Variants in PCM1 observed in about 807,000 individuals in gnomAD.
The protein encoded by PCM1 is pericentriolar material 1.
A neutral mutation model predicts 241.9 loss-of-function variants in PCM1; 157 were observed. The ratio of observed to expected loss-of-function variants is 0.65; its 90% CI spans 0.57 to 0.74. The LOEUF (loss-of-function observed/expected upper bound fraction) is 0.74. Among genes scored for constraint, PCM1 ranks in the 30% least tolerant of loss-of-function variants. The pLI, the probability that PCM1 is intolerant of heterozygous loss-of-function variation, is 0.00. For missense variants in PCM1, 3,478 were observed against 2,360.1 expected, an observed-to-expected ratio of 1.47 and a Z score of -9.81; for synonymous variants, 1,085 against 784.9, an observed-to-expected ratio of 1.38 and a Z score of -6.39.
At position 17,984,821 on chromosome 8, in the gene PCM1, T is replaced by G. The variant is rs563339780; in HGVS notation, c.4109-626T>G. On this transcript the variant is annotated intron_variant, in intron 24 of 38. Coordinates refer to ENST00000325083, the MANE Select transcript of PCM1 (RefSeq NM_006197.4). Reference sequence around the variant, plus strand: ...GATTCTGTGAAACTGAAAACTTCAGTTGGATCACTTGCCTGCTCCAATATA... The same window carrying G: ...GATTCTGTGAAACTGAAAACTTCAGGTGGATCACTTGCCTGCTCCAATATA... Among the ~76,000 whole-genome samples the G allele has an allele frequency of 2.6e-5, 4 of 152,070 alleles. No homozygotes were observed. The South Asian group carries it at 6.2e-4, about 24-fold the overall frequency.
chr8:17,940,152 T>C, intron 6 of PCM1: 1 of 1,523,422 alleles, frequency 6.6e-7, no homozygotes, highest in Non-Finnish European at 8.9e-7. Context: ...AGGCTTCAGA[T>C]ACCACGGTAA....
intron 23 of PCM1, among the ~76,000 whole-genome samples, chr8:17,976,975 T>C (rs1291757825): frequency 6.6e-6 from 1 of 152,124 alleles, no homozygotes; most frequent in East Asian, 1.9e-4. Flanking sequence ...TTAAAGTACC[T>C]ATTGGGACTC....
chr8:18,025,756 G>A, intron 38 of PCM1, 98 bp downstream of exon 38: 2 of 665,502 alleles, frequency 3.0e-6, no homozygotes, highest in Non-Finnish European at 5.1e-6. Context: ...TACTGACCTG[G>A]GAGATTTAAG....
At chr8:17,961,941 AGAGC>A in intron 15 of PCM1, 89 bp from the exon 16 acceptor site, 1 of 1,047,856 alleles carries the variant, frequency 9.5e-7, no homozygotes, top group South Asian at 1.6e-5. Context: ...ATATGGCACT[AGAGC>A]CTTAGTGCCA....
At chr8:17,928,887 C>G (rs1330386658) in intron 2 of PCM1, among the ~76,000 whole-genome samples, 1 of 152,054 alleles carries the variant, frequency 6.6e-6, no homozygotes, top group African/African-American at 2.4e-5. Context: ...CCACCTCAGC[C>G]TCCCACAGTG....
At chr8:17,949,406 A>G (rs763235174) in intron 7 of PCM1, among the ~76,000 whole-genome samples, 2 of 152,076 alleles carry the variant, frequency 1.3e-5, no homozygotes, top group Non-Finnish European at 2.9e-5. Context: ...ATAGGATTCT[A>G]TATAGCCTTG....
At chr8:17,980,507 T>C (rs889023868) in intron 23 of PCM1, 84 bp from the exon 24 acceptor site, 7 of 1,080,060 alleles carry the variant, frequency 6.5e-6, no homozygotes, top group Non-Finnish European at 9.3e-6. Context: ...TTGAGTTACC[T>C]GTACTGTTAC....
At position 17,966,572 on chromosome 8, in the gene PCM1, A is replaced by G. The variant is rs928903520; in HGVS notation, c.3221+99A>G. 17 of 951,880 alleles carry G rather than the reference A, an allele frequency of 1.8e-5. No individual in the cohort carries two copies. The East Asian group carries it at 2.5e-4, about 14-fold the overall frequency. 59.0% of individuals were successfully genotyped at this position (951,880 alleles called of 1,614,324 possible). A position where few individuals can be genotyped will look rare whatever the true frequency, so the allele number is the denominator to read the frequency against. ...GGAGAAAAGAGCAAGACCAAATTGC[A>G]TATTTGGACATTCTCTTTCCCTTGA... On this transcript the variant is annotated intron_variant, in intron 20 of 38. Transcript: ENST00000325083.
intron 13 of PCM1, among the ~76,000 whole-genome samples, chr8:17,958,148 T>C (rs1278768504): frequency 6.6e-6 from 1 of 152,170 alleles, no homozygotes; most frequent in Non-Finnish European, 1.5e-5. Context: ...GTTGTTTTGC[T>C]GACAACTCTG....
At chr8:17,989,225 CT>C (rs1194329926) in intron 26 of PCM1, among the ~76,000 whole-genome samples, 6 of 151,934 alleles carry the variant, frequency 3.9e-5, no homozygotes, top group Non-Finnish European at 1.5e-5. Flanking sequence ...GTATGAAGTT[CT>C]ACAACCAGCA....
chr8:17,932,537 A>T (rs1167140838), intron 2 of PCM1, among the ~76,000 whole-genome samples: 1 of 151,722 alleles, frequency 6.6e-6, no homozygotes, highest in African/African-American at 2.4e-5. Flanking sequence ...TTTGCAAACT[A>T]CTTGTTTTGC....
In PCM1 at chr8:18,029,383, A is replaced by G. The variant is rs1373535750; in HGVS notation, c.*1721A>G. The G allele has an allele frequency of 4.7e-6, 1 of 214,898 alleles. No individual in the cohort carries two copies. Among genetic ancestry groups the G allele is most frequent in the Non-Finnish European group, 9.3e-6 (1 of 107,442 alleles). 13.3% of individuals were successfully genotyped at this position (214,898 alleles called of 1,614,324 possible). A position where few individuals can be genotyped will look rare whatever the true frequency, so the allele number is the denominator to read the frequency against. On this transcript the variant is annotated 3_prime_UTR_variant, in exon 39 of 39. Transcript: ENST00000325083. Reference sequence around the variant, plus strand: ...CTCTAACTAACTTCAGGGAAATTGGAACAATAAGTTATGTTACATGCACAC... The same window carrying G: ...CTCTAACTAACTTCAGGGAAATTGGGACAATAAGTTATGTTACATGCACAC...
At position 18,009,792 on chromosome 8, in the gene PCM1, A is replaced by G. The variant is rs535733787; in HGVS notation, c.5160+48A>G. 1.4e-5 allele frequency: 16 copies of G among 1,146,360 alleles called. No homozygotes were observed. In the Admixed American group the frequency reaches 4.9e-4, roughly 35 times the overall value. The allele number at this position is 1,146,360 out of a possible 1,614,324, so 71.0% of individuals were successfully genotyped here. On this transcript the variant is annotated intron_variant, in intron 31 of 38. Coordinates refer to ENST00000325083, the MANE Select transcript of PCM1 (RefSeq NM_006197.4). ...TTTAGGATAATTGACACATAAATACAGTTCTTGATCATTATTATTAACTGA... is the reference window on the plus strand; with the variant it reads ...TTTAGGATAATTGACACATAAATACGGTTCTTGATCATTATTATTAACTGA...
At chr8:17,932,392 C>A (rs899290586) in intron 2 of PCM1, among the ~76,000 whole-genome samples, 1 of 152,062 alleles carries the variant, frequency 6.6e-6, no homozygotes, top group Non-Finnish European at 1.5e-5. Context: ...TTTATATTCT[C>A]AATGTAGTGT....
chr8:17,957,943 C>A (rs973833422), intron 13 of PCM1, among the ~76,000 whole-genome samples, 168 bp downstream of exon 13: 1 of 152,124 alleles, frequency 6.6e-6, no homozygotes, highest in Non-Finnish European at 1.5e-5. Flanking sequence ...AGGTCAGCAA[C>A]CTTTTTAAAT....
rs575800909 is a variant in PCM1, at chr8:17,967,807, G to C, written c.3412+637G>C. Among the ~76,000 whole-genome samples the C allele has an allele frequency of 8.2e-4, 125 of 152,282 alleles. 1 individual carries two copies. Among genetic ancestry groups the C allele is most frequent in the African/African-American group, 2.9e-3 (119 of 41,564 alleles). On this transcript the variant is annotated intron_variant, in intron 21 of 38. Transcript: ENST00000325083. ...CTCTCCTAAAGGAGTACCATGTCTT[G>C]TTAGGGGGATGCTAATAGACTAAAG...
rs572912246 is a variant in PCM1, at chr8:17,995,786, GTTAA to G, written c.4827+2170_4827+2173del. Among the ~76,000 whole-genome samples the G allele has an allele frequency of 1.3e-3, 199 of 151,884 alleles. 1 individual carries two copies. The highest frequency in any genetic ancestry group is 3.0e-3 in the Admixed American group (46 of 15,264). The stretch of plus-strand genomic sequence containing the variant: ...ATTGTAGAGATCTTTCACTTATTTG[GTTAA>G]TTCTTAGGTATTTAATTTTATTTGT... On this transcript the variant is annotated intron_variant, in intron 29 of 38. Transcript: ENST00000325083.
rs141509959 is a variant in PCM1, at chr8:17,955,595, C to G, written c.1414C>G (p.Leu472Val). 14 of 1,613,742 alleles carry G rather than the reference C, an allele frequency of 8.7e-6. No homozygotes were observed. Among genetic ancestry groups the G allele is most frequent in the South Asian group, 2.2e-5 (2 of 91,064 alleles). The stretch of plus-strand genomic sequence containing the variant: ...ATCTGTTCCTTATCCTACTGCTTCT[C>G]TAGTATCTCAGAATGAGAGTGAAAA... Reference protein sequence around the residue: ...TSSVPYPTASLVSQNESENEG... With the variant: ...TSSVPYPTASVVSQNESENEG... The change falls in exon 10 of 39, where the codon CTA becomes GTA. Residue 472 changes from leucine to valine, a missense_variant. By Grantham distance (32) the Leu-to-Val change is conservative. Transcript: ENST00000325083.
At chr8:17,986,435 A>G (rs970832346) in intron 26 of PCM1, among the ~76,000 whole-genome samples, 9 of 151,396 alleles carry the variant, frequency 5.9e-5, no homozygotes, top group African/African-American at 2.2e-4. Flanking sequence ...TTACAGTAAA[A>G]ACACTTGAAT....
Sources: allele counts gnomAD v4.1 joint callset (sites outside exome capture counted in the v4.1 genomes callset), GRCh38; gene constraint gnomAD v4.1.1; transcripts MANE v1.5; gene names NCBI Gene and HGNC (gene_info 2026-07-23, HGNC 2026-07-21).